The following CACNA2D3 variants were observed in gnomAD, a reference collection of about 807,000 sequenced individuals.
CACNA2D3 encodes voltage-dependent calcium channel subunit alpha-2/delta-3.
Under a neutral mutation model 160.6 loss-of-function variants are expected in CACNA2D3, and 60 were observed. The ratio of observed to expected loss-of-function variants is 0.37; its 90% CI spans 0.30 to 0.46. The LOEUF (loss-of-function observed/expected upper bound fraction) is 0.46. Among genes scored for constraint, CACNA2D3 ranks in the 20% least tolerant of loss-of-function variants. CACNA2D3 has a pLI of 1.00. For missense variants in CACNA2D3, 1,205 were observed against 1,365.0 expected, an observed-to-expected ratio of 0.88 and a Z score of 1.85; for synonymous variants, 558 against 492.9, an observed-to-expected ratio of 1.13 and a Z score of -1.75.
At chr3:54,974,302 A>G (rs1385302893) in intron 29 of CACNA2D3, among the ~76,000 whole-genome samples, 1 of 152,100 alleles carries the variant, frequency 6.6e-6, no homozygotes, top group East Asian at 1.9e-4. Context: ...CTTTACATGC[A>G]CCCTCCCATT....
rs369786145 is a variant in CACNA2D3, at chr3:55,053,982, T to TC, written c.2988-19462dup. Among the ~76,000 whole-genome samples the TC allele has an allele frequency of 1.9e-3, 291 of 152,090 alleles. 1 individual carries two copies. Among genetic ancestry groups the TC allele is most frequent in the African/African-American group, 6.7e-3 (279 of 41,574 alleles). On this transcript the variant is annotated intron_variant, in intron 35 of 37. Coordinates refer to ENST00000474759, the MANE Select transcript of CACNA2D3 (RefSeq NM_018398.3). ...TTCTGCTTGTTCATCCTCTTTTTTT[T>TC]CTGTCTTTTATATTGACTATTTTAT...
chr3:54,148,300 C>T (rs1295146922), intron 2 of CACNA2D3, among the ~76,000 whole-genome samples: 1 of 152,236 alleles, frequency 6.6e-6, no homozygotes, highest in African/African-American at 2.4e-5. Context: ...CAGAATCAGA[C>T]TTCAGAATGG....
At chr3:54,812,426 C>G (rs1265014555) in intron 13 of CACNA2D3, among the ~76,000 whole-genome samples, 2 of 152,136 alleles carry the variant, frequency 1.3e-5, no homozygotes, top group Non-Finnish European at 2.9e-5. Context: ...TAGGTGTTTG[C>G]CAGGCAAGTG....
At position 54,323,683 on chromosome 3, in the gene CACNA2D3, G is replaced by A. The variant is rs191397389; in HGVS notation, c.321+3125G>A. ...GGGTTTCACTGTGTTAGCCAGGATG[G>A]TCTCGATCTCCTGACCTCGTGATCT... On this transcript the variant is annotated intron_variant, in intron 3 of 37. Coordinates refer to ENST00000474759, the MANE Select transcript of CACNA2D3 (RefSeq NM_018398.3). Among the ~76,000 whole-genome samples the A allele has an allele frequency of 3.4e-3, 511 of 152,168 alleles. 1 individual carries two copies. Among genetic ancestry groups the A allele is most frequent in the African/African-American group, 0.012 (498 of 41,518 alleles).
At position 54,413,120 on chromosome 3, in the gene CACNA2D3, C is replaced by T. The variant is rs1699696545; in HGVS notation, c.381+26346C>T. On this transcript the variant is annotated intron_variant, in intron 4 of 37. Coordinates refer to ENST00000474759, the MANE Select transcript of CACNA2D3 (RefSeq NM_018398.3). Reference sequence around the variant, plus strand: ...GCTTTTGTTTATCTAAAAATATCTTCGTTTTAACCTCATTTTGGAAGGATA... The same window carrying T: ...GCTTTTGTTTATCTAAAAATATCTTTGTTTTAACCTCATTTTGGAAGGATA... 2.6e-5 allele frequency among the ~76,000 whole-genome samples: 4 copies of T among 151,500 alleles called. No individual in the cohort carries two copies. The South Asian group carries it at 6.2e-4, about 24-fold the overall frequency.
intron 5 of CACNA2D3, among the ~76,000 whole-genome samples, chr3:54,547,109 C>T (rs985462969): frequency 2.6e-5 from 4 of 152,000 alleles, no homozygotes; most frequent in African/African-American, 4.8e-5. Flanking sequence ...GTTCAACAAG[C>T]CAAAGAAATA....
At position 54,150,928 on chromosome 3, in the gene CACNA2D3, G is replaced by A. The variant is rs550907148; in HGVS notation, c.204+27334G>A. Among the ~76,000 whole-genome samples, 8 of 152,022 alleles carry A rather than the reference G, an allele frequency of 5.3e-5. No individual in the cohort carries two copies. In the South Asian group the frequency reaches 1.7e-3, roughly 32 times the overall value. On this transcript the variant is annotated intron_variant, in intron 2 of 37. Coordinates refer to ENST00000474759, the MANE Select transcript of CACNA2D3 (RefSeq NM_018398.3). ...GGATGGGTGAATGGATGGGTGGGTG[G>A]GTGGATAGACGAATGAATGGATGTA...
At chr3:54,815,320 A>T (rs556696032) in intron 13 of CACNA2D3, among the ~76,000 whole-genome samples, 76 of 152,288 alleles carry the variant, frequency 5.0e-4, no homozygotes, top group African/African-American at 1.8e-3. Context: ...GACATTCTCA[A>T]TACCATTTTG....
At chr3:54,964,737 T>G (rs1436145184) in intron 27 of CACNA2D3, among the ~76,000 whole-genome samples, 1 of 152,166 alleles carries the variant, frequency 6.6e-6, no homozygotes, top group Non-Finnish European at 1.5e-5. Flanking sequence ...TGATATTTGT[T>G]TTTCTGAATA....
At chr3:54,524,043 T>G (rs1206347255) in intron 5 of CACNA2D3, among the ~76,000 whole-genome samples, 1 of 152,078 alleles carries the variant, frequency 6.6e-6, no homozygotes, top group Non-Finnish European at 1.5e-5. Context: ...TCTTCTTGCT[T>G]TAGCTTTACT....
intron 4 of CACNA2D3, among the ~76,000 whole-genome samples, chr3:54,476,011 C>T (rs1700824273): frequency 6.6e-6 from 1 of 150,440 alleles, no homozygotes; most frequent in Non-Finnish European, 1.5e-5. Context: ...ACTCTCAGCC[C>T]CTGGCAACCA....
At chr3:54,908,086 G>T (rs1329079163) in intron 27 of CACNA2D3, among the ~76,000 whole-genome samples, 1 of 152,148 alleles carries the variant, frequency 6.6e-6, no homozygotes, top group Non-Finnish European at 1.5e-5. Flanking sequence ...AAGTAGAATT[G>T]TTGGGTCATA....
intron 34 of CACNA2D3, among the ~76,000 whole-genome samples, chr3:55,010,134 A>C (rs1463029857): frequency 6.6e-6 from 1 of 152,200 alleles, no homozygotes; most frequent in Non-Finnish European, 1.5e-5. Flanking sequence ...ATAAGTCCTC[A>C]AAAAATAGTA....
At chr3:54,867,322 C>G (rs1413537916) in intron 17 of CACNA2D3, among the ~76,000 whole-genome samples, 2 of 152,086 alleles carry the variant, frequency 1.3e-5, no homozygotes, top group Non-Finnish European at 2.9e-5. Flanking sequence ...CAACTGTGCC[C>G]AGACGCAATC....
intron 4 of CACNA2D3, among the ~76,000 whole-genome samples, chr3:54,459,895 T>G (rs1229402762): frequency 2.0e-5 from 3 of 152,238 alleles, no homozygotes; most frequent in Admixed American, 2.0e-4. Flanking sequence ...GTAGGGTTTT[T>G]ATGGTTTTAG....
intron 3 of CACNA2D3, among the ~76,000 whole-genome samples, chr3:54,350,992 T>TTTTG (rs1698551838): frequency 9.0e-6 from 1 of 110,976 alleles, no homozygotes. Flanking sequence ...GTTTGTTTTT[T>TTTTG]TTTTTTTTTT....
intron 2 of CACNA2D3, among the ~76,000 whole-genome samples, chr3:54,288,306 T>C (rs1703087121): frequency 6.6e-6 from 1 of 151,944 alleles, no homozygotes; most frequent in African/African-American, 2.4e-5. Context: ...TCTACGCAAA[T>C]AAACTAGAAA....
intron 12 of CACNA2D3, among the ~76,000 whole-genome samples, chr3:54,758,657 A>G (rs9882650): frequency 0.93 from 141,242 of 152,234 alleles, 65,805 homozygotes; most frequent in Non-Finnish European, 0.94. Flanking sequence ...CAAGAACACC[A>G]TTGCTCATAG....
At chr3:54,748,372 G>A (rs975924421) in intron 11 of CACNA2D3, among the ~76,000 whole-genome samples, 3 of 152,164 alleles carry the variant, frequency 2.0e-5, no homozygotes, top group South Asian at 2.1e-4. Flanking sequence ...AAGCATAATC[G>A]GTTTTTTGAA....
Sources: gnomAD v4.1 joint callset for allele counts (sites outside exome capture counted in the v4.1 genomes callset) on GRCh38, gnomAD v4.1.1 for gene constraint, MANE v1.5 for transcripts, NCBI Gene and HGNC (gene_info 2026-07-23, HGNC 2026-07-21) for gene names.